GPC5: variants seen among roughly 807,000 people sequenced by gnomAD.
The protein encoded by GPC5 is glypican 5, also known as glypican-5.
A neutral mutation model predicts 53.9 loss-of-function variants in GPC5; 47 were observed. The ratio of observed to expected loss-of-function variants is 0.87; its 90% confidence interval spans 0.69 to 1.11. The LOEUF is 1.11. GPC5 is among the 50% of genes most tolerant of loss of function. The pLI, the probability that GPC5 is intolerant of heterozygous loss-of-function variation, is 0.00. For synonymous variants in GPC5, 286 were observed against 263.3 expected, an observed-to-expected ratio of 1.09 and a Z score of -0.84; for missense variants, 748 against 713.1, an observed-to-expected ratio of 1.05 and a Z score of -0.56.
intron 7 of GPC5, among the ~76,000 whole-genome samples, chr13:92,239,464 C>T (rs1020246353): frequency 6.6e-6 from 1 of 152,000 alleles, no homozygotes; most frequent in Admixed American, 6.6e-5. Flanking sequence ...ATTAAACCAT[C>T]CATAGTGTTG....
At chr13:92,003,184 A>T (rs1196904171) in intron 6 of GPC5, among the ~76,000 whole-genome samples, 2 of 151,806 alleles carry the variant, frequency 1.3e-5, no homozygotes, top group Admixed American at 1.3e-4. Context: ...GGTGGTGCAT[A>T]CCTGTAATCC....
intron 7 of GPC5, among the ~76,000 whole-genome samples, chr13:92,316,640 C>G (rs2043181291): frequency 6.6e-6 from 1 of 151,928 alleles, no homozygotes; most frequent in African/African-American, 2.4e-5. Context: ...AGTAATATAT[C>G]AAATGTGTAA....
intron 7 of GPC5, among the ~76,000 whole-genome samples, chr13:92,482,159 C>G (rs574311526): frequency 6.6e-6 from 1 of 151,912 alleles, no homozygotes; most frequent in African/African-American, 2.4e-5. Flanking sequence ...ATGTTGGGTG[C>G]GTAGCAGCTT....
chr13:92,102,028 G>C (rs946946732), intron 6 of GPC5, among the ~76,000 whole-genome samples: 1 of 152,206 alleles, frequency 6.6e-6, no homozygotes, highest in Non-Finnish European at 1.5e-5. Context: ...AGGGTCTGGA[G>C]AATGGAGCAG....
chr13:92,292,652 G>A (rs1024149940), intron 7 of GPC5, among the ~76,000 whole-genome samples: 15 of 152,016 alleles, frequency 9.9e-5, no homozygotes, highest in Non-Finnish European at 1.5e-4. Context: ...CTTTTGCCGC[G>A]CAAAAGCTCT....
At chr13:91,570,687 T>C (rs1177378588) in intron 2 of GPC5, among the ~76,000 whole-genome samples, 1 of 152,180 alleles carries the variant, frequency 6.6e-6, no homozygotes, top group Non-Finnish European at 1.5e-5. Context: ...AATCCAAGTG[T>C]TTAAAGTTCC....
At chr13:92,372,668 A>G (rs1303414389) in intron 7 of GPC5, among the ~76,000 whole-genome samples, 14 of 152,126 alleles carry the variant, frequency 9.2e-5, no homozygotes, top group Non-Finnish European at 4.4e-5. Context: ...CTTGACCTTG[A>G]TATATTTCTG....
At chr13:91,965,715 T>A (rs2040174489) in intron 6 of GPC5, among the ~76,000 whole-genome samples, 1 of 152,168 alleles carries the variant, frequency 6.6e-6, no homozygotes, top group Non-Finnish European at 1.5e-5. Context: ...ATTAAACAGC[T>A]GAGCATGTCA....
chr13:92,201,013 A>ACG (rs1420400369), intron 7 of GPC5, among the ~76,000 whole-genome samples: 15 of 150,714 alleles, frequency 1.0e-4, no homozygotes, highest in African/African-American at 3.7e-4. Flanking sequence ...ACACACACGC[A>ACG]CACACACGGG....
intron 7 of GPC5, among the ~76,000 whole-genome samples, chr13:92,198,080 A>G (rs1566480657): frequency 2.0e-5 from 3 of 152,038 alleles, no homozygotes; most frequent in Admixed American, 2.0e-4. Context: ...GTCAAATATC[A>G]CCTTCTCTGA....
At chr13:92,856,073 C>T (rs1387715336) in intron 7 of GPC5, among the ~76,000 whole-genome samples, 1 of 151,908 alleles carries the variant, frequency 6.6e-6, no homozygotes, top group Non-Finnish European at 1.5e-5. Flanking sequence ...AAACAGCAGG[C>T]CAGTATCCCT....
At chr13:91,860,611 G>A (rs569856662) in intron 5 of GPC5, among the ~76,000 whole-genome samples, 61 of 149,918 alleles carry the variant, frequency 4.1e-4, no homozygotes, top group African/African-American at 1.5e-3. Flanking sequence ...CCAGATTCAA[G>A]TGATTCTTCC....
chr13:92,582,879 A>G (rs1455486012), intron 7 of GPC5, among the ~76,000 whole-genome samples: 1 of 151,944 alleles, frequency 6.6e-6, no homozygotes, highest in Non-Finnish European at 1.5e-5. Context: ...TATTTCTAAT[A>G]GTTTCTTTGT....
At chr13:91,883,662 A>G (rs76635399) in intron 5 of GPC5, among the ~76,000 whole-genome samples, 2,935 of 152,328 alleles carry the variant, frequency 0.019, 43 homozygotes, top group Middle Eastern at 0.037. Context: ...GTATTAATAG[A>G]TGATGGCAGA....
intron 7 of GPC5, among the ~76,000 whole-genome samples, chr13:92,761,143 A>T (rs1025624548): frequency 6.6e-6 from 1 of 152,150 alleles, no homozygotes; most frequent in South Asian, 2.1e-4. Flanking sequence ...TATATGTGTT[A>T]AGCCTATTTC....
chr13:92,632,524 A>G (rs1885281558), intron 7 of GPC5, among the ~76,000 whole-genome samples: 2 of 149,514 alleles, frequency 1.3e-5, no homozygotes. Flanking sequence ...ACATACACAC[A>G]CACAAGCTAC....
chr13:92,146,919 C>A (rs2041871500), intron 7 of GPC5, among the ~76,000 whole-genome samples: 2 of 151,870 alleles, frequency 1.3e-5, no homozygotes, highest in African/African-American at 4.8e-5. Flanking sequence ...GATTGATGGG[C>A]ATTTGGGCTG....
chr13:91,984,325 A>T (rs913626946), intron 6 of GPC5, among the ~76,000 whole-genome samples: 1 of 152,172 alleles, frequency 6.6e-6, no homozygotes, highest in Admixed American at 6.5e-5. Context: ...ATAATAAAAG[A>T]GCACACCATG....
intron 7 of GPC5, among the ~76,000 whole-genome samples, chr13:92,755,606 G>C (rs1414532495): frequency 6.8e-6 from 1 of 147,166 alleles, no homozygotes; most frequent in Non-Finnish European, 1.5e-5. Context: ...GAAAAAAAGA[G>C]AGAAGAATCA....
Sources: allele counts gnomAD v4.1 joint callset (sites outside exome capture counted in the v4.1 genomes callset), GRCh38; gene constraint gnomAD v4.1.1; transcripts MANE v1.5; gene names NCBI Gene and HGNC (gene_info 2026-07-23, HGNC 2026-07-21).